Variants in CR1L observed in about 807,000 individuals in gnomAD.
CR1L encodes complement C3b/C4b receptor 1 like, also known as complement component receptor 1-like protein.
Under a neutral mutation model 62.3 loss-of-function variants are expected in CR1L, and 59 were observed. The ratio of observed to expected loss-of-function variants is 0.95; its 90% CI spans 0.77 to 1.18. CR1L has a LOEUF of 1.18. CR1L is among the 50% of genes most tolerant of loss of function. The pLI is 0.00. For missense variants in CR1L, 700 were observed against 702.8 expected (o/e 1.00, Z 0.04); for synonymous variants, 279 against 248.7 (o/e 1.12, Z -1.15).
chr1:207,676,977 T>C (rs149166423), intron 1 of CR1L, among the ~76,000 whole-genome samples: 1 of 152,168 alleles, frequency 6.6e-6, no homozygotes, highest in Admixed American at 6.5e-5. Flanking sequence ...TAGTGAAGTC[T>C]TCTTTTTCTT....
chr1:207,661,162 T>C (rs1160326397), intron 1 of CR1L, among the ~76,000 whole-genome samples: 1 of 152,198 alleles, frequency 6.6e-6, no homozygotes, highest in African/African-American at 2.4e-5. Flanking sequence ...CTATTAGGTC[T>C]GCTTGGTGCA....
chr1:207,697,362 G>T, intron 5 of CR1L, 141 bp from the exon 6 acceptor site: 1 of 1,545,014 alleles, frequency 6.5e-7, no homozygotes, highest in Non-Finnish European at 8.8e-7. Flanking sequence ...TGTGTATTTA[G>T]TTTGTTATCA....
chr1:207,678,323 A>G (rs751044439), intron 3 of CR1L, 26 bp downstream of exon 3: 2 of 1,589,396 alleles, frequency 1.3e-6, no homozygotes, highest in Non-Finnish European at 8.6e-7. Context: ...TTGAACCAAC[A>G]TCTCTTGGTT....
chr1:207,710,807 A>G lies in CR1L; in HGVS notation c.1414+2544A>G. ...GGGGTGTGTTTGCCTGAGGCCTAGA[A>G]GGGCCCTGCAAGTGACATGCATTGC... On this transcript the variant is annotated intron_variant, in intron 10 of 11. Coordinates refer to ENST00000508064, the MANE Select transcript of CR1L (RefSeq NM_175710.2). The G allele has an allele frequency of 1.9e-6, 3 of 1,543,750 alleles. No homozygotes were observed. The Admixed American group carries it at 5.0e-5, about 26-fold the overall frequency.
chr1:207,680,899 G>A (rs1348367525), intron 3 of CR1L, among the ~76,000 whole-genome samples: 1 of 152,144 alleles, frequency 6.6e-6, no homozygotes, highest in Admixed American at 6.5e-5. Context: ...ATATAATCCT[G>A]CTAAAATTTC....
chr1:207,649,852 T>C (rs577771835), intron 1 of CR1L, among the ~76,000 whole-genome samples: 1 of 152,178 alleles, frequency 6.6e-6, no homozygotes, highest in Admixed American at 6.5e-5. Flanking sequence ...ATGTGAAAAA[T>C]GAATTGAATG....
At chr1:207,677,704 G>A (rs1663719919) in intron 2 of CR1L, 136 bp downstream of exon 2, 3 of 1,033,902 alleles carry the variant, frequency 2.9e-6, no homozygotes, top group Middle Eastern at 2.1e-4. Flanking sequence ...AATTATTCTT[G>A]TAGATCATAC....
At chr1:207,657,370 T>C (rs1465779649) in intron 1 of CR1L, 9 of 738,640 alleles carry the variant, frequency 1.2e-5, no homozygotes, top group Admixed American at 1.0e-4. Context: ...TCTGGAAATA[T>C]TTTGTAAATA....
chr1:207,648,235 A>C (rs541546741), intron 1 of CR1L, among the ~76,000 whole-genome samples: 44 of 150,682 alleles, frequency 2.9e-4, no homozygotes, highest in African/African-American at 1.1e-3. Context: ...AAAAAAAAAA[A>C]AAACCTGGAA....
chr1:207,697,196 G>A (rs1241624634), intron 5 of CR1L, among the ~76,000 whole-genome samples: 1 of 152,160 alleles, frequency 6.6e-6, no homozygotes, highest in Non-Finnish European at 1.5e-5. Context: ...TGTACTGGGT[G>A]AACAGTAATT....
intron 1 of CR1L, among the ~76,000 whole-genome samples, chr1:207,658,142 G>A (rs1663346662): frequency 6.6e-6 from 1 of 151,976 alleles, no homozygotes; most frequent in Non-Finnish European, 1.5e-5. Context: ...GCTTACAGGG[G>A]AATGTATAGC....
Position 207,694,699 on chromosome 1 carries a change from G to C in CR1L, c.810G>C (p.Val270=), listed in dbSNP as rs766034529. The C allele has an allele frequency of 4.3e-6, 7 of 1,611,768 alleles. No homozygotes were observed. In the Admixed American group the frequency reaches 8.3e-5, roughly 19 times the overall value. The part of the protein sequence containing the change: ...PGFGMKGPSH[V]KCQALNKWEP... Reference sequence around the variant, plus strand: ...TTGGCATGAAAGGGCCCTCCCATGTGAAGTGCCAGGCCCTGAACAAATGGG... The same window carrying C: ...TTGGCATGAAAGGGCCCTCCCATGTCAAGTGCCAGGCCCTGAACAAATGGG... The change falls in exon 5 of 12, where the codon GTG becomes GTC. Residue 270 remains valine, a synonymous_variant. Transcript: ENST00000508064.
intron 1 of CR1L, among the ~76,000 whole-genome samples, chr1:207,645,648 C>A (rs1663110398): frequency 6.6e-6 from 1 of 152,154 alleles, no homozygotes; most frequent in Non-Finnish European, 1.5e-5. Flanking sequence ...TACTGGGCGC[C>A]CCAGGTGAGG....
chr1:207,708,279 T>C lies in CR1L; in HGVS notation c.1414+16T>C, dbSNP rs1664302209. 1 of 1,609,528 alleles carries C rather than the reference T, an allele frequency of 6.2e-7. No individual in the cohort carries two copies. The highest frequency in any genetic ancestry group is 1.7e-5 in the Admixed American group (1 of 59,982). On this transcript the variant is annotated intron_variant, in intron 10 of 11. Coordinates refer to ENST00000508064, the MANE Select transcript of CR1L (RefSeq NM_175710.2). ...ATTTGTCAACGTGAGTTGAAATCTC[T>C]TTCCCCATTCACCCCACCATTTAAC...
chr1:207,651,908 G>A (rs1290932410), intron 1 of CR1L, among the ~76,000 whole-genome samples: 1 of 152,200 alleles, frequency 6.6e-6, no homozygotes, highest in Admixed American at 6.5e-5. Flanking sequence ...TCACTTGTCA[G>A]ATGCTCAGTT....
intron 1 of CR1L, among the ~76,000 whole-genome samples, chr1:207,647,267 A>G (rs12080578): frequency 0.084 from 12,772 of 152,242 alleles, 780 homozygotes; most frequent in African/African-American, 0.17. Flanking sequence ...TTCTCATCAA[A>G]CAGACAAAAC....
intron 1 of CR1L, among the ~76,000 whole-genome samples, chr1:207,675,140 C>T (rs781675589): frequency 1.8e-4 from 27 of 151,986 alleles, no homozygotes; most frequent in Non-Finnish European, 4.4e-5. Flanking sequence ...CATCATTTGC[C>T]CTCAAATTAT....
At chr1:207,708,348 C>T (rs1664303210) in intron 10 of CR1L, 85 bp downstream of exon 10, 3 of 1,516,480 alleles carry the variant, frequency 2.0e-6, no homozygotes, top group Non-Finnish European at 2.7e-6. Flanking sequence ...AATCTCATCC[C>T]TCTTGGAAAT....
chr1:207,711,911 A>C (rs976982207), intron 10 of CR1L, among the ~76,000 whole-genome samples: 14 of 150,468 alleles, frequency 9.3e-5, no homozygotes, highest in Admixed American at 5.3e-4. Flanking sequence ...AAAAAAAAAA[A>C]CACAAAAAAC....
Sources: gnomAD v4.1 joint callset for allele counts (sites outside exome capture counted in the v4.1 genomes callset) on GRCh38, gnomAD v4.1.1 for gene constraint, MANE v1.5 for transcripts, NCBI Gene and HGNC (gene_info 2026-07-23, HGNC 2026-07-21) for gene names.